PITPNC1: variants seen among roughly 807,000 people sequenced by gnomAD.
PITPNC1 encodes the protein cytoplasmic phosphatidylinositol transfer protein 1.
In PITPNC1, 18 loss-of-function variants were observed where a neutral mutation model predicts 44.7. The ratio of observed to expected loss-of-function variants is 0.40; its 90% confidence interval spans 0.28 to 0.60. The LOEUF is 0.60. Ranked by LOEUF, PITPNC1 falls within the 20% of genes least tolerant of loss-of-function variation. PITPNC1 has a pLI of 0.39. For synonymous variants in PITPNC1, 141 were observed against 149.6 expected (o/e 0.94, Z 0.42); for missense variants, 290 against 418.4 (o/e 0.69, Z 2.68).
At chr17:67,533,170 G>T (rs2040485978) in intron 2 of PITPNC1, among the ~76,000 whole-genome samples, 2 of 152,312 alleles carry the variant, frequency 1.3e-5, no homozygotes, top group South Asian at 4.1e-4. Flanking sequence ...CAAGGTGGGA[G>T]GATGGCTTGA....
chr17:67,567,474 A>G (rs1444420432), intron 4 of PITPNC1, among the ~76,000 whole-genome samples: 1 of 150,412 alleles, frequency 6.6e-6, no homozygotes, highest in Non-Finnish European at 1.5e-5. Context: ...ACAGAGTGAG[A>G]CTCCATCTCC....
intron 2 of PITPNC1, among the ~76,000 whole-genome samples, chr17:67,543,227 CT>C (rs1312434449): frequency 6.6e-6 from 1 of 152,202 alleles, no homozygotes; most frequent in African/African-American, 2.4e-5. Flanking sequence ...TCATCACCCC[CT>C]ACCTCTGCTG....
At chr17:67,427,207 CTATT>C (rs1432801224) in intron 1 of PITPNC1, among the ~76,000 whole-genome samples, 2 of 151,982 alleles carry the variant, frequency 1.3e-5, no homozygotes, top group Non-Finnish European at 2.9e-5. Flanking sequence ...TACTTTCTCA[CTATT>C]TATTTATTTA....
At chr17:67,396,908 T>G (rs2038228174) in intron 1 of PITPNC1, among the ~76,000 whole-genome samples, 2 of 151,818 alleles carry the variant, frequency 1.3e-5, no homozygotes, top group African/African-American at 4.8e-5. Context: ...TCCTGCCTCA[T>G]CCTCCCAAAG....
intron 1 of PITPNC1, among the ~76,000 whole-genome samples, chr17:67,459,113 CTTTT>C (rs886333854): frequency 4.3e-4 from 41 of 95,712 alleles, no homozygotes; most frequent in African/African-American, 1.7e-3. Context: ...TTTTCTTTTT[CTTTT>C]TTTTTTTTTT....
At chr17:67,441,359 G>A (rs918655001) in intron 1 of PITPNC1, among the ~76,000 whole-genome samples, 7 of 150,908 alleles carry the variant, frequency 4.6e-5, no homozygotes, top group Admixed American at 6.6e-5. Context: ...ATCTGAGGAC[G>A]ACTCACCCTT....
chr17:67,484,455 G>A (rs964716605), intron 1 of PITPNC1, among the ~76,000 whole-genome samples: 1 of 152,154 alleles, frequency 6.6e-6, no homozygotes, highest in Non-Finnish European at 1.5e-5. Context: ...CTCTAGCTCA[G>A]TCGCCACATA....
chr17:67,677,715 C>T (rs1469204648), intron 8 of PITPNC1, among the ~76,000 whole-genome samples: 1 of 151,704 alleles, frequency 6.6e-6, no homozygotes, highest in Non-Finnish European at 1.5e-5. Context: ...ATTACAGGCT[C>T]CCACCACCAC....
intron 6 of PITPNC1, among the ~76,000 whole-genome samples, chr17:67,640,066 G>T (rs2042075760): frequency 6.6e-6 from 1 of 151,584 alleles, no homozygotes; most frequent in Non-Finnish European, 1.5e-5. Flanking sequence ...TCACTTGGTT[G>T]TGCTGTTATT....
At chr17:67,531,016 G>A (rs1313899539) in intron 1 of PITPNC1, among the ~76,000 whole-genome samples, 1 of 152,158 alleles carries the variant, frequency 6.6e-6, no homozygotes, top group Non-Finnish European at 1.5e-5. Flanking sequence ...GCTGAAATGG[G>A]CAAATTGCTT....
In PITPNC1 at chr17:67,413,482, C is replaced by A. The variant is rs142298438; in HGVS notation, c.48+35280C>A. Among the ~76,000 whole-genome samples the A allele has an allele frequency of 1.8e-4, 23 of 131,338 alleles. No homozygotes were observed. In the East Asian group the frequency reaches 4.5e-3, roughly 26 times the overall value. The allele number at this position is 131,338 out of a possible 152,430, so 86.2% of individuals were successfully genotyped here. Reference sequence around the variant, plus strand: ...AAAATAGAGAGAATGGGGCTTCTCGCTATGCTCAGCCTGTGTGTCATCATT... The same window carrying A: ...AAAATAGAGAGAATGGGGCTTCTCGATATGCTCAGCCTGTGTGTCATCATT... On this transcript the variant is annotated intron_variant, in intron 1 of 8. Transcript: ENST00000581322.
At chr17:67,494,208 T>TCTTG (rs2039908112) in intron 1 of PITPNC1, among the ~76,000 whole-genome samples, 1 of 148,968 alleles carries the variant, frequency 6.7e-6, no homozygotes, top group Non-Finnish European at 1.5e-5. Flanking sequence ...TTTCTTTCTT[T>TCTTG]CTTTCTTTTT....
chr17:67,447,740 C>G (rs1003796941), intron 1 of PITPNC1, among the ~76,000 whole-genome samples: 5 of 150,212 alleles, frequency 3.3e-5, no homozygotes, highest in African/African-American at 7.3e-5. Flanking sequence ...CGCGACAGTC[C>G]TTGGAATGGT....
At chr17:67,507,643 T>C (rs2916144) in intron 1 of PITPNC1, among the ~76,000 whole-genome samples, 111,426 of 144,542 alleles carry the variant, frequency 0.77, 42,882 homozygotes, top group Middle Eastern at 0.85. Context: ...GGGATCGTAC[T>C]GCTGCACTCC....
rs2042957143 is a variant in PITPNC1 at position 67,692,970 on chromosome 17, G to A, written c.*82G>A. The A allele has an allele frequency of 3.3e-6, 3 of 904,766 alleles. No individual in the cohort carries two copies. The East Asian group carries it at 7.3e-5, about 22-fold the overall frequency. 56.0% of individuals were successfully genotyped at this position (904,766 alleles called of 1,614,324 possible). A position where few individuals can be genotyped will look rare whatever the true frequency, so the allele number is the denominator to read the frequency against. ...TTAAGAATCTTCTGATAGAGAAAAA[G>A]ACTGCTTTGTCACTCAAACATGTTC... On this transcript the variant is annotated 3_prime_UTR_variant, in exon 9 of 9. Transcript: ENST00000581322.
chr17:67,649,627 A>T (rs1044175465), intron 6 of PITPNC1, among the ~76,000 whole-genome samples: 4 of 151,918 alleles, frequency 2.6e-5, no homozygotes, highest in Admixed American at 2.0e-4. Context: ...GCTCATTCCT[A>T]CAATCCCAGC....
chr17:67,483,907 A>T (rs2039737749), intron 1 of PITPNC1, among the ~76,000 whole-genome samples: 2 of 146,600 alleles, frequency 1.4e-5, no homozygotes, highest in Non-Finnish European at 3.0e-5. Context: ...ACCCTTGCTA[A>T]CGTTTTCTTT....
intron 5 of PITPNC1, among the ~76,000 whole-genome samples, chr17:67,631,657 A>AATATATATATAT (rs1555574521): frequency 0.014 from 106 of 7,674 alleles, 9 homozygotes; most frequent in African/African-American, 0.028. Flanking sequence ...AAAAAAAAAA[A>AATATATATATAT]ATATATATAT....
chr17:67,425,383 G>A (rs988564192), intron 1 of PITPNC1, among the ~76,000 whole-genome samples: 4 of 151,660 alleles, frequency 2.6e-5, no homozygotes, highest in African/African-American at 9.7e-5. Flanking sequence ...CTATGGGCAA[G>A]GGTTGACAAA....
Sources: gnomAD v4.1 joint callset for allele counts (sites outside exome capture counted in the v4.1 genomes callset) on GRCh38, gnomAD v4.1.1 for gene constraint, MANE v1.5 for transcripts, NCBI Gene and HGNC (gene_info 2026-07-23, HGNC 2026-07-21) for gene names.